Variants in SLC8A3 observed in about 807,000 individuals in gnomAD.
SLC8A3 encodes sodium/calcium exchanger 3.
In SLC8A3, 37 loss-of-function variants were observed where a neutral mutation model predicts 65.4. The ratio of observed to expected loss-of-function variants is 0.57; its 90% CI spans 0.44 to 0.74. The LOEUF (loss-of-function observed/expected upper bound fraction) is 0.74, where lower values mean the gene tolerates loss of function less well. SLC8A3 is among the 30% of genes least tolerant of loss of function. SLC8A3 has a pLI of 0.00. For synonymous variants in SLC8A3, 461 were observed against 444.5 expected (o/e 1.04, Z -0.47); for missense variants, 1,112 against 1,172.1 (o/e 0.95, Z 0.75).
chr14:70,059,071 G>T (rs1345711068), intron 3 of SLC8A3: 2 of 152,240 alleles, frequency 1.3e-5, no homozygotes, highest in Admixed American at 6.5e-5. Context: ...CTTTCTTCCA[G>T]CACTTTTTGG....
chr14:70,132,603 C>T (rs530759265), intron 2 of SLC8A3, among the ~76,000 whole-genome samples: 3 of 152,236 alleles, frequency 2.0e-5, no homozygotes, highest in East Asian at 1.9e-4. Flanking sequence ...GTGGATGAAA[C>T]GGGAAATCTT....
intron 2 of SLC8A3, among the ~76,000 whole-genome samples, chr14:70,134,869 A>G (rs1895083365): frequency 6.6e-6 from 1 of 152,196 alleles, no homozygotes; most frequent in Admixed American, 6.5e-5. Context: ...GAAGTCCTAA[A>G]CCCTTGTACC....
At position 70,184,447 on chromosome 14, in the gene SLC8A3, G is replaced by T. The variant is rs1012266054; in HGVS notation, c.-63+3932C>A. On this transcript the variant is annotated intron_variant, in intron 1 of 6. Coordinates refer to ENST00000356921, the MANE Select transcript of SLC8A3 (RefSeq NM_182932.3). Reference sequence around the variant, plus strand: ...AATCTCTGTCTTCAGTCATTTGAAAGAGCTCTTATCCATGTTAGGTCTTTA... The same window carrying T: ...AATCTCTGTCTTCAGTCATTTGAAATAGCTCTTATCCATGTTAGGTCTTTA... 6.6e-5 allele frequency among the ~76,000 whole-genome samples: 10 copies of T among 152,304 alleles called. 1 individual carries two copies. The highest frequency in any genetic ancestry group is 2.4e-4 in the African/African-American group (10 of 41,582).
intron 2 of SLC8A3, among the ~76,000 whole-genome samples, chr14:70,103,958 G>A (rs1892694593): frequency 6.6e-6 from 1 of 152,034 alleles, no homozygotes; most frequent in African/African-American, 2.4e-5. Context: ...TATGCAAATG[G>A]TAAGCATAAA....
chr14:70,131,252 G>A (rs993175522), intron 2 of SLC8A3, among the ~76,000 whole-genome samples: 3 of 152,194 alleles, frequency 2.0e-5, no homozygotes, highest in African/African-American at 7.2e-5. Context: ...CAAAGTGGGG[G>A]CACAGAGACT....
chr14:70,082,532 T>C (rs533295821), intron 2 of SLC8A3, among the ~76,000 whole-genome samples: 10 of 152,234 alleles, frequency 6.6e-5, no homozygotes, highest in South Asian at 2.1e-4. Flanking sequence ...TGAGATCCCA[T>C]TTCCTGAAGA....
chr14:70,087,201 G>A (rs965510489), intron 2 of SLC8A3, among the ~76,000 whole-genome samples: 5 of 152,216 alleles, frequency 3.3e-5, no homozygotes, highest in African/African-American at 1.2e-4. Flanking sequence ...CAAAGTCCAG[G>A]CTAGCATATC....
intron 2 of SLC8A3, among the ~76,000 whole-genome samples, chr14:70,072,959 A>G (rs1286549197): frequency 6.6e-6 from 1 of 151,946 alleles, no homozygotes; most frequent in Non-Finnish European, 1.5e-5. Context: ...GCCACCTGAT[A>G]TTTTCAAATT....
Position 70,175,974 on chromosome 14 carries a change from A to T in SLC8A3, c.-62-7490T>A, listed in dbSNP as rs1897884425. ...GGTCTCGAACTCCTGACCTCAAGTGATCCGCCCACCTCACCCTCCCAAAGG... is the reference window on the plus strand; with the variant it reads ...GGTCTCGAACTCCTGACCTCAAGTGTTCCGCCCACCTCACCCTCCCAAAGG... On this transcript the variant is annotated intron_variant, in intron 1 of 6. Transcript: ENST00000356921. 6.6e-5 allele frequency among the ~76,000 whole-genome samples: 10 copies of T among 152,076 alleles called. No homozygotes were observed. The South Asian group carries it at 2.1e-3, about 32-fold the overall frequency.
At chr14:70,168,874 G>A (rs1253618030) in intron 1 of SLC8A3, among the ~76,000 whole-genome samples, 1 of 152,176 alleles carries the variant, frequency 6.6e-6, no homozygotes, top group Non-Finnish European at 1.5e-5. Context: ...TTACCCTGTT[G>A]TCATTATACT....
intron 2 of SLC8A3, among the ~76,000 whole-genome samples, chr14:70,111,475 T>A (rs1893300759): frequency 6.6e-6 from 1 of 152,210 alleles, no homozygotes; most frequent in Non-Finnish European, 1.5e-5. Flanking sequence ...TTGTAAACCA[T>A]CAAGTGTGAT....
At chr14:70,152,817 T>A (rs1295702159) in intron 2 of SLC8A3, among the ~76,000 whole-genome samples, 1 of 152,250 alleles carries the variant, frequency 6.6e-6, no homozygotes, top group African/African-American at 2.4e-5. Context: ...GGAAAGGTTC[T>A]GGGCAGCTGA....
intron 2 of SLC8A3, among the ~76,000 whole-genome samples, chr14:70,110,228 C>T (rs1019795307): frequency 2.3e-4 from 35 of 152,208 alleles, no homozygotes; most frequent in African/African-American, 8.4e-4. Flanking sequence ...TAAAAATGTA[C>T]AGCTACGTTA....
chr14:70,104,810 G>C (rs1892748934), intron 2 of SLC8A3, among the ~76,000 whole-genome samples: 1 of 152,050 alleles, frequency 6.6e-6, no homozygotes, highest in Non-Finnish European at 1.5e-5. Flanking sequence ...AGTGCTTAAA[G>C]GGAAATGTGT....
At chr14:70,172,157 A>G (rs61978188) in intron 1 of SLC8A3, among the ~76,000 whole-genome samples, 1 of 151,930 alleles carries the variant, frequency 6.6e-6, no homozygotes, top group Non-Finnish European at 1.5e-5. Flanking sequence ...CTTTTCCCCC[A>G]CCCAGGACCA....
At chr14:70,086,401 CTTTTTTTTT>C (rs10605312) in intron 2 of SLC8A3, among the ~76,000 whole-genome samples, 1 of 116,148 alleles carries the variant, frequency 8.6e-6, no homozygotes, top group Non-Finnish European at 1.8e-5. Flanking sequence ...TTTCTTTTTT[CTTTTTTTTT>C]TTTTTTTTTG....
intron 2 of SLC8A3, among the ~76,000 whole-genome samples, chr14:70,107,847 A>C (rs1010619192): frequency 6.6e-6 from 1 of 152,026 alleles, no homozygotes; most frequent in African/African-American, 2.4e-5. Flanking sequence ...CTGCCCAGAT[A>C]ATTTCCCTTG....
intron 2 of SLC8A3, among the ~76,000 whole-genome samples, chr14:70,111,761 A>G (rs1218181958): frequency 1.3e-5 from 2 of 152,246 alleles, no homozygotes; most frequent in Non-Finnish European, 2.9e-5. Context: ...CATGTGGGAA[A>G]TGGAAACGCT....
chr14:70,069,700 T>C (rs1889823279), intron 2 of SLC8A3, among the ~76,000 whole-genome samples: 1 of 152,156 alleles, frequency 6.6e-6, no homozygotes, highest in Admixed American at 6.5e-5. Flanking sequence ...ACACTGATAT[T>C]TCCCTGACCC....
Sources: allele counts gnomAD v4.1 joint callset (sites outside exome capture counted in the v4.1 genomes callset), GRCh38; gene constraint gnomAD v4.1.1; transcripts MANE v1.5; gene names NCBI Gene and HGNC (gene_info 2026-07-23, HGNC 2026-07-21).